TNFRSF1B: variants seen among roughly 807,000 people sequenced by gnomAD.
TNFRSF1B encodes TNF receptor superfamily member 1B.
In TNFRSF1B, 19 loss-of-function variants were observed where a neutral mutation model predicts 44.6. That is an observed-to-expected ratio of 0.43 (90% CI 0.30 to 0.62). TNFRSF1B has a LOEUF of 0.62. Among genes scored for constraint, TNFRSF1B ranks in the 20% least tolerant of loss-of-function variants. The pLI is 0.16. For missense variants in TNFRSF1B, 541 were observed against 619.9 expected (o/e 0.87, Z 1.35); for synonymous variants, 252 against 261.1 (o/e 0.97, Z 0.34).
intron 1 of TNFRSF1B, among the ~76,000 whole-genome samples, chr1:12,185,481 C>G (rs1638964383): frequency 6.6e-6 from 1 of 152,092 alleles, no homozygotes; most frequent in East Asian, 1.9e-4. Flanking sequence ...CTCCTTTTGT[C>G]TAGGGTGCCT....
intron 1 of TNFRSF1B, among the ~76,000 whole-genome samples, chr1:12,181,253 G>A (rs557927514): frequency 3.3e-5 from 5 of 152,306 alleles, no homozygotes; most frequent in Non-Finnish European, 4.4e-5. Flanking sequence ...GTGTGTTCTC[G>A]CCTTGCCAGT....
At chr1:12,195,132 G>A (rs1639237762) in intron 8 of TNFRSF1B, among the ~76,000 whole-genome samples, 1 of 152,208 alleles carries the variant, frequency 6.6e-6, no homozygotes, top group Admixed American at 6.5e-5. Context: ...TGAGGTAGAG[G>A]CTGTGGGGCT....
rs1405225739 is a variant in TNFRSF1B at position 12,202,096 on chromosome 1, A to G, written c.1030A>G (p.Thr344Ala). 1 of 1,578,566 alleles carries G rather than the reference A, an allele frequency of 6.3e-7. No homozygotes were observed. The highest frequency in any genetic ancestry group is 1.3e-5 in the African/African-American group (1 of 74,158). The change falls in exon 9 of 10, where the codon ACT becomes GCT. Residue 344 changes from threonine (T) to alanine (A), a missense_variant. By Grantham distance (58) the Thr-to-Ala change is moderately conservative. Transcript: ENST00000376259. ...SASALDRRAP[T>A]RNQPQAPGVE... Reference sequence around the variant, plus strand: ...CAGTGCGTTGGACAGAAGGGCGCCCACTCGGAACCAGCCACAGGCACCAGG... The same window carrying G: ...CAGTGCGTTGGACAGAAGGGCGCCCGCTCGGAACCAGCCACAGGCACCAGG...
At position 12,168,908 on chromosome 1, in the gene TNFRSF1B, T is replaced by A. The variant is rs2101072685; in HGVS notation, c.78+1739T>A. 6.6e-6 allele frequency among the ~76,000 whole-genome samples: 1 copy of A among 152,116 alleles called. No individual in the cohort carries two copies. The highest frequency in any genetic ancestry group is 1.9e-4 in the East Asian group (1 of 5,162). Reference sequence around the variant, plus strand: ...GGCTCCCAATGGTTGAGGCAGAAACTCCCCTGGAGATCCCAGGCCAGAGTA... The same window carrying A: ...GGCTCCCAATGGTTGAGGCAGAAACACCCCTGGAGATCCCAGGCCAGAGTA... On this transcript the variant is annotated intron_variant, in intron 1 of 9. Coordinates refer to ENST00000376259, the MANE Select transcript of TNFRSF1B (RefSeq NM_001066.3). The surrounding 1 kb of genome is among the most constrained non-coding windows in gnomAD (Gnocchi z 4.7).
At chr1:12,198,781 C>A (rs942298834) in intron 8 of TNFRSF1B, among the ~76,000 whole-genome samples, 12 of 149,816 alleles carry the variant, frequency 8.0e-5, no homozygotes, top group African/African-American at 3.0e-4. Flanking sequence ...AGCTCCGCCT[C>A]CCGGGTTCAC....
chr1:12,175,113 G>C (rs1046488428), intron 1 of TNFRSF1B, among the ~76,000 whole-genome samples: 26 of 152,172 alleles, frequency 1.7e-4, no homozygotes, highest in African/African-American at 6.3e-4. Context: ...TGGACAGGGA[G>C]GGGGGAGGAC....
chr1:12,167,423 G>A, intron 1 of TNFRSF1B: 1 of 432,780 alleles, frequency 2.3e-6, no homozygotes, highest in Non-Finnish European at 4.2e-6. Flanking sequence ...CGTCGTGACA[G>A]GGGCGCACCC....
rs1638468668 is a variant in TNFRSF1B, at chr1:12,169,221, TC to T, written c.78+2057del. Among the ~76,000 whole-genome samples the T allele has an allele frequency of 1.3e-5, 2 of 152,188 alleles. No homozygotes were observed. The highest frequency in any genetic ancestry group is 1.3e-4 in the Admixed American group (2 of 15,268). ...TGCTTTTTAATCTAGCTGTGTTTTA[TC>T]CCCCTCAGTGGATGGAAGGTGTCTT... On this transcript the variant is annotated intron_variant, in intron 1 of 9. Coordinates refer to ENST00000376259, the MANE Select transcript of TNFRSF1B (RefSeq NM_001066.3). The surrounding 1 kb of genome is among the most constrained non-coding windows in gnomAD (Gnocchi z 4.5).
At chr1:12,194,242 TAGG>T (rs1422255420) in intron 7 of TNFRSF1B, among the ~76,000 whole-genome samples, 1 of 151,846 alleles carries the variant, frequency 6.6e-6, no homozygotes, top group Non-Finnish European at 1.5e-5. Flanking sequence ...TTCTAAAGGG[TAGG>T]AGGAGTTCAG....
In TNFRSF1B at chr1:12,193,942, C is replaced by T; in HGVS notation, c.788-13C>T. 6.2e-7 allele frequency: 1 copy of T among 1,612,208 alleles called. No individual in the cohort carries two copies. Among genetic ancestry groups the T allele is most frequent in the South Asian group, 1.1e-5 (1 of 90,992 alleles). On this transcript the variant is annotated splice_polypyrimidine_tract_variant and intron_variant, in intron 6 of 9. Transcript: ENST00000376259. The stretch of plus-strand genomic sequence containing the variant: ...GTTTTCTGTAGCTGTCTGAGCTTCT[C>T]TTTTCTTTCTAGGACTGATTGTGGG...
chr1:12,202,150 C>T lies in TNFRSF1B; in HGVS notation c.1084C>T (p.Arg362Trp), dbSNP rs971404233. ...GGAGGCCAGTGGGGCCGGGGAGGCC[C>T]GGGCCAGCACCGGGAGCTCAGGTAA... Reference protein sequence around the residue: ...GVEASGAGEARASTGSSDSSP... With the variant: ...GVEASGAGEAWASTGSSDSSP... Residue 362 changes from arginine to tryptophan, a missense_variant, in exon 9 of 10, where the codon CGG (arginine) becomes TGG (tryptophan). Coordinates refer to ENST00000376259, the MANE Select transcript of TNFRSF1B (RefSeq NM_001066.3). The T allele has an allele frequency of 9.7e-6, 15 of 1,551,926 alleles. No homozygotes were observed. Among genetic ancestry groups the T allele is most frequent in the South Asian group, 3.6e-5 (3 of 84,316 alleles).
At chr1:12,189,032 T>C (rs1639051978) in intron 2 of TNFRSF1B, 137 bp downstream of exon 2, 2 of 687,368 alleles carry the variant, frequency 2.9e-6, no homozygotes, top group Non-Finnish European at 4.7e-6. Context: ...CCCTGCTGCT[T>C]CTGGGCCTGT....
chr1:12,190,013 G>A (rs919823806), intron 2 of TNFRSF1B, among the ~76,000 whole-genome samples: 3 of 152,186 alleles, frequency 2.0e-5, no homozygotes, highest in Non-Finnish European at 4.4e-5. Context: ...TAGGGGAGGA[G>A]GAGGAAGGAG....
At position 12,201,958 on chromosome 1, in the gene TNFRSF1B, C is replaced by A. The variant is rs752035915; in HGVS notation, c.901-9C>A. ...GACTGCTCTCCCCTACCACCCCCTGCCCATCCAGCCTCACTTGCCTGCCGA... is the reference window on the plus strand; with the variant it reads ...GACTGCTCTCCCCTACCACCCCCTGACCATCCAGCCTCACTTGCCTGCCGA... On this transcript the variant is annotated splice_polypyrimidine_tract_variant and intron_variant, in intron 8 of 9. Transcript: ENST00000376259. 4 of 1,601,112 alleles carry A rather than the reference C, an allele frequency of 2.5e-6. No individual in the cohort carries two copies. Among genetic ancestry groups the A allele is most frequent in the East Asian group, 2.3e-5 (1 of 44,352 alleles).
At chr1:12,191,416 A>AGAGCGGGACTTCGGGGAG (rs1325999950) in intron 3 of TNFRSF1B, among the ~76,000 whole-genome samples, 1 of 149,018 alleles carries the variant, frequency 6.7e-6, no homozygotes, top group African/African-American at 2.5e-5. Context: ...ACTGCGGGGA[A>AGAGCGGGACTTCGGGGAG]GAGCGGGACT....
At chr1:12,174,398 C>T (rs1226094218) in intron 1 of TNFRSF1B, among the ~76,000 whole-genome samples, 1 of 152,060 alleles carries the variant, frequency 6.6e-6, no homozygotes, top group Non-Finnish European at 1.5e-5. Flanking sequence ...CAGGCATGCA[C>T]CACCACACCC....
In TNFRSF1B at chr1:12,175,391, C is replaced by T. The variant is rs113533746; in HGVS notation, c.78+8222C>T. On this transcript the variant is annotated intron_variant, in intron 1 of 9. Coordinates refer to ENST00000376259, the MANE Select transcript of TNFRSF1B (RefSeq NM_001066.3). ...GGGGGTGGAGTGCAGATTGCACTGC[C>T]ACGTCACCCAGCTCAGAAGGCCCAG... 3.9e-3 allele frequency among the ~76,000 whole-genome samples: 596 copies of T among 152,324 alleles called. 5 individuals carry two copies. Among genetic ancestry groups the T allele is most frequent in the African/African-American group, 0.013 (560 of 41,562 alleles).
chr1:12,167,390 G>A, intron 1 of TNFRSF1B: 1 of 425,504 alleles, frequency 2.4e-6, no homozygotes, highest in Non-Finnish European at 4.2e-6. Context: ...CACAACTCTG[G>A]CCCCCGAAGC....
At chr1:12,185,980 G>T (rs1638978482) in intron 1 of TNFRSF1B, among the ~76,000 whole-genome samples, 1 of 152,240 alleles carries the variant, frequency 6.6e-6, no homozygotes, top group Admixed American at 6.5e-5. Context: ...GGAGCCTTCA[G>T]GAGGGAGGGT....
Sources: allele counts gnomAD v4.1 joint callset (sites outside exome capture counted in the v4.1 genomes callset), GRCh38; gene constraint gnomAD v4.1.1; non-coding constraint Gnocchi (gnomAD v3.1); transcripts MANE v1.5; gene names NCBI Gene and HGNC (gene_info 2026-07-23, HGNC 2026-07-21).